ODAD2: variants seen among roughly 807,000 people sequenced by gnomAD.
The protein encoded by ODAD2 is outer dynein arm-docking complex subunit 2.
Under a neutral mutation model 106.8 loss-of-function variants are expected in ODAD2, and 89 were observed. The ratio of observed to expected loss-of-function variants is 0.83; its 90% CI spans 0.70 to 0.99. The LOEUF is 0.99. ODAD2 is among the 50% of genes least tolerant of loss of function. The pLI, the probability that ODAD2 is intolerant of heterozygous loss-of-function variation, is 0.00. For synonymous variants in ODAD2, 404 were observed against 436.2 expected (o/e 0.93, Z 0.92); for missense variants, 1,168 against 1,238.5 (o/e 0.94, Z 0.85).
intron 7 of ODAD2, among the ~76,000 whole-genome samples, chr10:27,975,391 G>A (rs542279633): frequency 6.6e-6 from 1 of 152,076 alleles, no homozygotes; most frequent in African/African-American, 2.4e-5. Context: ...TAGTCCTATA[G>A]GTGGATCAAA....
intron 19 of ODAD2, among the ~76,000 whole-genome samples, chr10:27,844,564 T>A (rs985745233): frequency 2.6e-5 from 4 of 152,216 alleles, no homozygotes; most frequent in South Asian, 4.1e-4. Flanking sequence ...TGAGTCCTTT[T>A]CTTATGACCT....
intron 10 of ODAD2, among the ~76,000 whole-genome samples, chr10:27,958,024 C>T (rs112076215): frequency 6.4e-4 from 97 of 152,268 alleles, no homozygotes; most frequent in African/African-American, 2.3e-3. Context: ...ATTTCACAGA[C>T]TTTTAATATC....
intron 19 of ODAD2, among the ~76,000 whole-genome samples, chr10:27,850,276 C>T (rs990854154): frequency 1.3e-5 from 2 of 151,832 alleles, no homozygotes; most frequent in South Asian, 4.2e-4. Flanking sequence ...GAAACCCCCT[C>T]TCTATCAAAA....
chr10:27,922,074 G>A lies in ODAD2; in HGVS notation c.2495+12936C>T, dbSNP rs1241079554. On this transcript the variant is annotated intron_variant, in intron 16 of 19. Transcript: ENST00000305242. Reference sequence around the variant, plus strand: ...CCCAGGCACTTGGTAGGCTGAGGTGGAAGGATATCTTGAGCCCAGAAGGTC... The same window carrying A: ...CCCAGGCACTTGGTAGGCTGAGGTGAAAGGATATCTTGAGCCCAGAAGGTC... Among the ~76,000 whole-genome samples, 6 of 146,578 alleles carry A rather than the reference G, an allele frequency of 4.1e-5. 1 individual carries two copies. Among genetic ancestry groups the A allele is most frequent in the Admixed American group, 1.4e-4 (2 of 14,312 alleles).
chr10:27,831,580 G>A (rs990153020), intron 19 of ODAD2, among the ~76,000 whole-genome samples: 10 of 152,220 alleles, frequency 6.6e-5, no homozygotes, highest in Non-Finnish European at 1.5e-4. Context: ...CTTGCCCAAA[G>A]TTGCAGATCT....
rs574512687 is a variant in ODAD2 at position 27,955,890 on chromosome 10, C to A, written c.1386+5678G>T. ...TGCCAGGGAGGAGCTCTGGGAGTCCCTTCTGAAGCTGGCAGCCCGGTGGCA... is the reference window on the plus strand; with the variant it reads ...TGCCAGGGAGGAGCTCTGGGAGTCCATTCTGAAGCTGGCAGCCCGGTGGCA... On this transcript the variant is annotated intron_variant, in intron 10 of 19. Transcript: ENST00000305242. Among the ~76,000 whole-genome samples the A allele has an allele frequency of 6.4e-4, 97 of 152,204 alleles. 1 individual carries two copies. Among genetic ancestry groups the A allele is most frequent in the Non-Finnish European group, 8.4e-4 (57 of 68,004 alleles).
intron 18 of ODAD2, among the ~76,000 whole-genome samples, chr10:27,861,330 C>T (rs977108460): frequency 2.6e-5 from 4 of 152,286 alleles, no homozygotes; most frequent in East Asian, 1.9e-4. Flanking sequence ...AACAGACCAA[C>T]GTTCAATCTT....
At chr10:27,892,328 A>C (rs541809283) in intron 17 of ODAD2, among the ~76,000 whole-genome samples, 1 of 152,280 alleles carries the variant, frequency 6.6e-6, no homozygotes, top group East Asian at 1.9e-4. Flanking sequence ...TGACTAGTTC[A>C]CTTTAGTTTG....
rs554294331 is a variant in ODAD2 at position 27,935,272 on chromosome 10, G to A, written c.2253-20C>T. ...CGAAACCTAAGTTCATCATAAGAAA[G>A]AGGAGAATTGGTTTTTGTATAAGGT... is the stretch of plus-strand genomic sequence containing the variant. On this transcript the variant is annotated intron_variant, in intron 15 of 19. Transcript: ENST00000305242. The A allele has an allele frequency of 1.7e-4, 276 of 1,612,002 alleles. 3 individuals are homozygous for A. In the South Asian group the frequency reaches 2.6e-3, roughly 15 times the overall value.
chr10:27,929,225 T>G (rs944539923), intron 16 of ODAD2, among the ~76,000 whole-genome samples: 4 of 152,126 alleles, frequency 2.6e-5, no homozygotes, highest in African/African-American at 9.7e-5. Flanking sequence ...CTGTATGTCT[T>G]TAGGTAGATA....
intron 19 of ODAD2, among the ~76,000 whole-genome samples, chr10:27,848,699 A>C (rs940127560): frequency 3.3e-5 from 5 of 152,232 alleles, no homozygotes; most frequent in African/African-American, 4.8e-5. Context: ...CAAAAAACTC[A>C]AACATATTTA....
chr10:27,904,301 T>C, intron 17 of ODAD2: 1 of 384,420 alleles, frequency 2.6e-6, no homozygotes, highest in Non-Finnish European at 5.2e-6. Context: ...AAGGCAAGGA[T>C]GCTGTGTATG....
chr10:27,819,325 T>A (rs1836406432), intron 19 of ODAD2, among the ~76,000 whole-genome samples: 1 of 151,528 alleles, frequency 6.6e-6, no homozygotes, highest in African/African-American at 2.4e-5. Context: ...GTTTGAGGGG[T>A]TTGGAGTAGA....
chr10:27,818,636 C>T (rs995063338), intron 19 of ODAD2, among the ~76,000 whole-genome samples: 5 of 152,132 alleles, frequency 3.3e-5, no homozygotes, highest in Non-Finnish European at 7.4e-5. Context: ...TCTCCAATTG[C>T]CCTATATTTG....
intron 10 of ODAD2, among the ~76,000 whole-genome samples, chr10:27,947,555 T>A (rs1590106674): frequency 6.6e-6 from 1 of 152,062 alleles, no homozygotes; most frequent in Middle Eastern, 3.4e-3. Flanking sequence ...ACAAAGAAAA[T>A]AAGAAAAACA....
At chr10:27,905,473 A>G (rs1843522482) in intron 17 of ODAD2, among the ~76,000 whole-genome samples, 1 of 152,206 alleles carries the variant, frequency 6.6e-6, no homozygotes, top group Non-Finnish European at 1.5e-5. Flanking sequence ...TGCTATCCCT[A>G]TCAAGCTACC....
chr10:27,845,916 C>T (rs997882661), intron 19 of ODAD2, among the ~76,000 whole-genome samples: 2 of 152,202 alleles, frequency 1.3e-5, no homozygotes, highest in Admixed American at 6.5e-5. Context: ...CACCCAGATT[C>T]ATAAAGCAAG....
Position 27,971,794 on chromosome 10 carries a change from C to T in ODAD2, c.937-481G>A, listed in dbSNP as rs572643611. ...CACTAAAAAGGAAAACACAAAAAAC[C>T]ATGTCAACCCAAAATTCTTTACTAA... is the stretch of plus-strand genomic sequence containing the variant. On this transcript the variant is annotated intron_variant, in intron 7 of 19. Coordinates refer to ENST00000305242, the MANE Select transcript of ODAD2 (RefSeq NM_018076.5). Among the ~76,000 whole-genome samples the T allele has an allele frequency of 1.6e-4, 25 of 152,104 alleles. No homozygotes were observed. The South Asian group carries it at 5.0e-3, about 30-fold the overall frequency.
At chr10:27,902,624 T>C (rs915302608) in intron 17 of ODAD2, among the ~76,000 whole-genome samples, 6 of 152,268 alleles carry the variant, frequency 3.9e-5, no homozygotes, top group Middle Eastern at 3.4e-3. Context: ...AGATCACCAC[T>C]GATCCCACAG....
Sources: gnomAD v4.1 joint callset for allele counts (sites outside exome capture counted in the v4.1 genomes callset) on GRCh38, gnomAD v4.1.1 for gene constraint, MANE v1.5 for transcripts, NCBI Gene and HGNC (gene_info 2026-07-23, HGNC 2026-07-21) for gene names.